SGPP1: variants seen among roughly 807,000 people sequenced by gnomAD.
The protein encoded by SGPP1 is sphingosine-1-phosphate phosphatase 1, also known as hSPP1.
SGPP1 carries 21 observed loss-of-function variants against 33.0 expected under a neutral mutation model. The ratio of observed to expected loss-of-function variants is 0.64; its 90% confidence interval spans 0.45 to 0.92. The LOEUF (loss-of-function observed/expected upper bound fraction) is 0.92, where lower values mean the gene tolerates loss of function less well. Among genes scored for constraint, SGPP1 ranks in the 40% least tolerant of loss-of-function variants. SGPP1 has a pLI of 0.00. For synonymous variants in SGPP1, 239 were observed against 241.2 expected, an observed-to-expected ratio of 0.99 and a Z score of 0.08; for missense variants, 543 against 589.4, an observed-to-expected ratio of 0.92 and a Z score of 0.81.
Position 63,688,715 on chromosome 14 carries a change from TTTTTTTTTTC to T in SGPP1, c.775-2069_775-2060del, listed in dbSNP as rs1566816457. Reference sequence around the variant, plus strand: ...GGTCTTCAAAAACAACCGTCATTTCTTTTTTTTTTCTTTTTTTTTTTTTTGAGATGGAGTC... The same window carrying T: ...GGTCTTCAAAAACAACCGTCATTTCTTTTTTTTTTTTTTTGAGATGGAGTC... On this transcript the variant is annotated intron_variant, in intron 2 of 2. Coordinates refer to ENST00000247225, the MANE Select transcript of SGPP1 (RefSeq NM_030791.4). Among the ~76,000 whole-genome samples the T allele has an allele frequency of 2.1e-5, 3 of 141,886 alleles. No individual in the cohort carries two copies. The East Asian group carries it at 6.0e-4, about 28-fold the overall frequency. The allele number at this position is 141,886 out of a possible 152,430, so 93.1% of individuals were successfully genotyped here.
At chr14:63,716,177 G>T (rs117680404) in intron 1 of SGPP1, among the ~76,000 whole-genome samples, 151 of 152,292 alleles carry the variant, frequency 9.9e-4, no homozygotes, top group Non-Finnish European at 1.5e-3. Context: ...GATGGAATTA[G>T]AAGATAAATA....
At chr14:63,726,132 C>G (rs1338977725) in intron 1 of SGPP1, among the ~76,000 whole-genome samples, 1 of 151,900 alleles carries the variant, frequency 6.6e-6, no homozygotes, top group Non-Finnish European at 1.5e-5. Flanking sequence ...ACAGAAGTAT[C>G]CATGGGGACG....
At chr14:63,688,315 CAAAAAAAA>C (rs71120275) in intron 2 of SGPP1, among the ~76,000 whole-genome samples, 4 of 31,430 alleles carry the variant, frequency 1.3e-4, no homozygotes, top group Admixed American at 3.9e-4. Context: ...GACTCTGTCT[CAAAAAAAA>C]AAAAAAAAAA....
Position 63,723,841 on chromosome 14 carries a change from T to C in SGPP1, c.684+3420A>G, listed in dbSNP as rs1417850288. Among the ~76,000 whole-genome samples, 5 of 152,084 alleles carry C rather than the reference T, an allele frequency of 3.3e-5. No homozygotes were observed. In the East Asian group the frequency reaches 7.7e-4, roughly 24 times the overall value. On this transcript the variant is annotated intron_variant, in intron 1 of 2. Transcript: ENST00000247225. The stretch of plus-strand genomic sequence containing the variant: ...TCTCTGGGAAACTTACCCTGGGAAA[T>C]GTAGAAATCTGCATTTTTAAACAAC...
intron 2 of SGPP1, among the ~76,000 whole-genome samples, chr14:63,688,069 G>A (rs1333782639): frequency 6.6e-6 from 1 of 152,118 alleles, no homozygotes; most frequent in Non-Finnish European, 1.5e-5. Flanking sequence ...AGTTTGGGGT[G>A]AGTCAAGATC....
intron 1 of SGPP1, among the ~76,000 whole-genome samples, chr14:63,721,341 G>A (rs1453723126): frequency 6.6e-6 from 1 of 151,972 alleles, no homozygotes; most frequent in Non-Finnish European, 1.5e-5. Flanking sequence ...CTACCCAGGA[G>A]GCTGAGGTAG....
intron 1 of SGPP1, among the ~76,000 whole-genome samples, chr14:63,704,342 G>A (rs1303090454): frequency 1.3e-5 from 2 of 152,074 alleles, no homozygotes; most frequent in Non-Finnish European, 2.9e-5. Flanking sequence ...AAATAGAATC[G>A]TGGGCCCCAA....
intron 1 of SGPP1, among the ~76,000 whole-genome samples, chr14:63,712,601 C>T (rs1183534255): frequency 1.3e-5 from 2 of 152,188 alleles, no homozygotes; most frequent in Non-Finnish European, 2.9e-5. Context: ...AAAAATAAAA[C>T]TATGAGTGAG....
At chr14:63,711,008 T>C (rs1885509823) in intron 1 of SGPP1, among the ~76,000 whole-genome samples, 1 of 149,268 alleles carries the variant, frequency 6.7e-6, no homozygotes, top group African/African-American at 2.5e-5. Flanking sequence ...TTAAGATTGT[T>C]TTCTTTCTTT....
chr14:63,722,385 G>C (rs993039064), intron 1 of SGPP1, among the ~76,000 whole-genome samples: 1 of 144,568 alleles, frequency 6.9e-6, no homozygotes, highest in Non-Finnish European at 1.5e-5. Flanking sequence ...AAAAAAATTA[G>C]CCGGGCGTGG....
chr14:63,697,132 T>C (rs940838347), intron 2 of SGPP1, among the ~76,000 whole-genome samples: 2 of 152,126 alleles, frequency 1.3e-5, no homozygotes, highest in South Asian at 4.1e-4. Flanking sequence ...CATCACACAA[T>C]ATACCTTTGC....
At chr14:63,694,883 G>A (rs1013906643) in intron 2 of SGPP1, among the ~76,000 whole-genome samples, 7 of 151,912 alleles carry the variant, frequency 4.6e-5, no homozygotes, top group Admixed American at 1.3e-4. Context: ...CCAGGTTATC[G>A]TCAATTTATG....
intron 1 of SGPP1, among the ~76,000 whole-genome samples, chr14:63,716,663 G>C (rs1403100377): frequency 6.6e-6 from 1 of 151,660 alleles, no homozygotes; most frequent in African/African-American, 2.4e-5. Context: ...TTGCACCCCA[G>C]CCTGGGTGAC....
At chr14:63,721,342 G>A (rs968199254) in intron 1 of SGPP1, among the ~76,000 whole-genome samples, 2 of 151,978 alleles carry the variant, frequency 1.3e-5, no homozygotes, top group African/African-American at 4.8e-5. Context: ...TACCCAGGAG[G>A]CTGAGGTAGA....
At chr14:63,689,522 G>A (rs1464566455) in intron 2 of SGPP1, among the ~76,000 whole-genome samples, 3 of 151,738 alleles carry the variant, frequency 2.0e-5, no homozygotes, top group African/African-American at 7.3e-5. Context: ...TTGGCCCGGG[G>A]GTGGTGGCTC....
intron 1 of SGPP1, among the ~76,000 whole-genome samples, chr14:63,699,373 G>C (rs1595064081): frequency 6.6e-6 from 1 of 152,148 alleles, no homozygotes; most frequent in South Asian, 2.1e-4. Flanking sequence ...GGGCATGGTG[G>C]TAAGTTTGTA....
intron 1 of SGPP1, among the ~76,000 whole-genome samples, chr14:63,715,017 C>T (rs1885591101): frequency 6.6e-6 from 1 of 151,580 alleles, no homozygotes; most frequent in South Asian, 2.1e-4. Context: ...GCCACTGCTC[C>T]CAGCCGACCT....
intron 2 of SGPP1, 86 bp from the exon 3 acceptor site, chr14:63,686,742 TGTTGAATATAC>T: frequency 1.0e-6 from 1 of 972,164 alleles, no homozygotes; most frequent in South Asian, 1.9e-5. Context: ...ACATTTCAAA[TGTTGAATATAC>T]ATAAATTTTT....
At chr14:63,717,848 T>A (rs1311821709) in intron 1 of SGPP1, among the ~76,000 whole-genome samples, 2 of 152,184 alleles carry the variant, frequency 1.3e-5, no homozygotes, top group Admixed American at 6.6e-5. Flanking sequence ...CCAGCCAGAA[T>A]AAAAAATACA....
Sources: gnomAD v4.1 joint callset for allele counts (sites outside exome capture counted in the v4.1 genomes callset) on GRCh38, gnomAD v4.1.1 for gene constraint, MANE v1.5 for transcripts, NCBI Gene and HGNC (gene_info 2026-07-23, HGNC 2026-07-21) for gene names.